Variants in TNPO1 observed in about 807,000 individuals in gnomAD.
TNPO1 encodes transportin 1.
A neutral mutation model predicts 119.5 loss-of-function variants in TNPO1; 8 were observed. The observed-to-expected ratio is 0.07, with a 90% confidence interval of 0.04 to 0.12. The LOEUF is 0.12. Ranked by LOEUF, TNPO1 falls within the 10% of genes least tolerant of loss-of-function variation. The pLI is 1.00. For missense variants in TNPO1, 576 were observed against 1,089.8 expected (o/e 0.53, Z 6.64); for synonymous variants, 362 against 363.0 (o/e 1.00, Z 0.03).
chr5:72,902,623 T>C (rs1490182111), intron 22 of TNPO1, among the ~76,000 whole-genome samples: 4 of 152,140 alleles, frequency 2.6e-5, no homozygotes, highest in Admixed American at 6.5e-5. Context: ...AAGATTTTAT[T>C]GTTTCTTTGT....
In TNPO1 at chr5:72,848,341, G is replaced by A. The variant is rs756866419; in HGVS notation, c.16-44G>A. On this transcript the variant is annotated intron_variant, in intron 1 of 24. Coordinates refer to ENST00000337273, the MANE Select transcript of TNPO1 (RefSeq NM_002270.4). ...AAGCCTCTGGGCCTGTGCACCGGGA[G>A]TAACAGTTGCTCCGTCTCTTCCTGT... 5.7e-5 allele frequency: 90 copies of A among 1,581,402 alleles called. 1 individual carries two copies. In the Admixed American group the frequency reaches 1.1e-3, roughly 20 times the overall value.
At chr5:72,827,059 T>C (rs1477781960) in intron 1 of TNPO1, among the ~76,000 whole-genome samples, 1 of 152,122 alleles carries the variant, frequency 6.6e-6, no homozygotes, top group Non-Finnish European at 1.5e-5. Context: ...GGACATTGCC[T>C]TTCTTAAATG....
At chr5:72,851,972 A>G (rs1009562202) in intron 3 of TNPO1, among the ~76,000 whole-genome samples, 4 of 152,202 alleles carry the variant, frequency 2.6e-5, no homozygotes, top group Admixed American at 2.0e-4. Flanking sequence ...TTTTTTGTAG[A>G]AAAAAATTGA....
intron 22 of TNPO1, 136 bp from the exon 23 acceptor site, chr5:72,903,573 G>T (rs559520384): frequency 4.9e-6 from 3 of 612,804 alleles, no homozygotes; most frequent in East Asian, 2.9e-5. Context: ...AATTCCTTAT[G>T]ATCATAGTTA....
chr5:72,877,436 C>T, intron 9 of TNPO1, 90 bp downstream of exon 9: 1 of 691,570 alleles, frequency 1.4e-6, no homozygotes, highest in Non-Finnish European at 2.4e-6. Flanking sequence ...CATTCTTTTG[C>T]CATCAGGGAG....
intron 1 of TNPO1, among the ~76,000 whole-genome samples, chr5:72,828,745 G>C (rs570546294): frequency 6.6e-6 from 1 of 151,788 alleles, no homozygotes; most frequent in African/African-American, 2.4e-5. Flanking sequence ...ACCAGTACCT[G>C]ATCTGGTGTC....
rs758615832 is a variant in TNPO1, at chr5:72,816,774, GGCCCCGAACT to G, written c.15+25_15+34del. 5 of 1,581,192 alleles carry G rather than the reference GGCCCCGAACT, an allele frequency of 3.2e-6. No individual in the cohort carries two copies. The Admixed American group carries it at 7.1e-5, about 22-fold the overall frequency. On this transcript the variant is annotated intron_variant, in intron 1 of 24. Transcript: ENST00000337273. ...CCGGGTAGGTGGCGTGAGGGTGCGC[GGCCCCGAACT>G]GCAGGGGCGGGAACGGAGGCTGGGA... is the stretch of plus-strand genomic sequence containing the variant.
chr5:72,887,026 A>G, intron 11 of TNPO1, 44 bp from the exon 12 acceptor site: 1 of 1,537,900 alleles, frequency 6.5e-7, no homozygotes, highest in Non-Finnish European at 8.8e-7. Context: ...ATATATAAGT[A>G]ATAAGAGGTT....
intron 1 of TNPO1, chr5:72,848,183 G>T (rs975902409): frequency 2.5e-6 from 3 of 1,212,836 alleles, no homozygotes; most frequent in East Asian, 7.4e-5. Flanking sequence ...AGACGCTGGC[G>T]GCCGGGCTGC....
intron 6 of TNPO1, among the ~76,000 whole-genome samples, chr5:72,871,356 G>C (rs1747386163): frequency 6.6e-6 from 1 of 152,204 alleles, no homozygotes. Flanking sequence ...AAGGGGTTGA[G>C]CTCCCCATAG....
chr5:72,846,953 A>T (rs1370372477), intron 1 of TNPO1, among the ~76,000 whole-genome samples: 3 of 152,224 alleles, frequency 2.0e-5, no homozygotes, highest in Non-Finnish European at 2.9e-5. Context: ...TATAAAATAT[A>T]ATGTGCATAA....
At chr5:72,828,665 T>C (rs967438389) in intron 1 of TNPO1, among the ~76,000 whole-genome samples, 1 of 152,178 alleles carries the variant, frequency 6.6e-6, no homozygotes, top group Admixed American at 6.5e-5. Flanking sequence ...TCAGGATATT[T>C]AGTTTTTTAC....
At chr5:72,865,002 T>C (rs1746772959) in intron 5 of TNPO1, among the ~76,000 whole-genome samples, 3 of 152,228 alleles carry the variant, frequency 2.0e-5, no homozygotes, top group Non-Finnish European at 4.4e-5. Context: ...ATGTAGAGTT[T>C]TATATTTAAT....
rs1471170821 is a variant in TNPO1, at chr5:72,888,088, G to A, written c.1314G>A (p.Gln438=). The change falls in exon 13 of 25, where the codon CAG becomes CAA. Residue 438 remains glutamine (Q), a synonymous_variant. Transcript: ENST00000337273. ...VLGAIAEGCM[Q]GMIPYLPELI... is the part of the protein sequence containing the mutation. Reference sequence around the variant, plus strand: ...TTATTTTTTTTCTAGGTTGCATGCAGGGCATGATTCCATACTTGCCTGAGC... The same window carrying A: ...TTATTTTTTTTCTAGGTTGCATGCAAGGCATGATTCCATACTTGCCTGAGC... The A allele has an allele frequency of 3.7e-6, 6 of 1,613,300 alleles. No homozygotes were observed. Among genetic ancestry groups the A allele is most frequent in the African/African-American group, 1.3e-5 (1 of 74,880 alleles).
intron 5 of TNPO1, among the ~76,000 whole-genome samples, chr5:72,864,505 A>G (rs1261223510): frequency 6.6e-6 from 1 of 152,210 alleles, no homozygotes; most frequent in East Asian, 1.9e-4. Context: ...TTATAGGAAA[A>G]TGGTTGCCAA....
At chr5:72,908,168 A>G (rs1000331018) in intron 24 of TNPO1, among the ~76,000 whole-genome samples, 3 of 152,182 alleles carry the variant, frequency 2.0e-5, no homozygotes, top group Admixed American at 6.5e-5. Flanking sequence ...GAACACTTCT[A>G]GTGCCTTCTA....
At chr5:72,826,914 T>A (rs1208352346) in intron 1 of TNPO1, among the ~76,000 whole-genome samples, 1 of 151,944 alleles carries the variant, frequency 6.6e-6, no homozygotes, top group African/African-American at 2.4e-5. Context: ...TTTTTAGCAA[T>A]GAGAAACAGT....
intron 1 of TNPO1, among the ~76,000 whole-genome samples, chr5:72,824,174 A>G (rs1407598728): frequency 2.0e-5 from 3 of 152,168 alleles, no homozygotes; most frequent in African/African-American, 7.2e-5. Flanking sequence ...TCATCTGCTC[A>G]AGGACTTTGC....
Position 72,914,061 on chromosome 5 carries a change from TA to T in TNPO1, c.*5391del. 6.6e-6 allele frequency: 1 copy of T among 152,608 alleles called. No individual in the cohort carries two copies. Among genetic ancestry groups the T allele is most frequent in the Non-Finnish European group, 1.5e-5 (1 of 68,004 alleles). 9.5% of individuals were successfully genotyped at this position (152,608 alleles called of 1,614,324 possible). ...TTGTATGAGTTATGCTTAAAAGCTT[TA>T]AATCTGATGTTTCCTGTACCTGCCA... On this transcript the variant is annotated 3_prime_UTR_variant, in exon 25 of 25. Transcript: ENST00000337273.
Sources: gnomAD v4.1 joint callset for allele counts (sites outside exome capture counted in the v4.1 genomes callset) on GRCh38, gnomAD v4.1.1 for gene constraint, MANE v1.5 for transcripts, NCBI Gene and HGNC (gene_info 2026-07-23, HGNC 2026-07-21) for gene names.